The following CNTNAP2 variants were observed in gnomAD, a reference collection of about 807,000 sequenced individuals.
CNTNAP2 encodes contactin-associated protein-like 2.
CNTNAP2 carries 98 observed loss-of-function variants against 155.2 expected under a neutral mutation model. The observed-to-expected ratio is 0.63, with a 90% CI of 0.54 to 0.75. The LOEUF is 0.75. Among genes scored for constraint, CNTNAP2 ranks in the 30% least tolerant of loss-of-function variants. The pLI is 0.00. For synonymous variants in CNTNAP2, 651 were observed against 631.2 expected, an observed-to-expected ratio of 1.03 and a Z score of -0.47; for missense variants, 1,727 against 1,688.1, an observed-to-expected ratio of 1.02 and a Z score of -0.40.
intron 14 of CNTNAP2, among the ~76,000 whole-genome samples, chr7:147,945,974 TCTC>T (rs919147703): frequency 5.0e-4 from 76 of 151,388 alleles, no homozygotes; most frequent in African/African-American, 1.8e-3. Flanking sequence ...TTCAAGCTAT[TCTC>T]CTGCCTCAGC....
chr7:146,809,144 C>T (rs1174632607), intron 2 of CNTNAP2, among the ~76,000 whole-genome samples: 3 of 152,140 alleles, frequency 2.0e-5, no homozygotes, highest in Admixed American at 2.0e-4. Flanking sequence ...AATCTCCAAA[C>T]TGGTTTCCAT....
At chr7:147,274,515 G>T (rs73156469) in intron 8 of CNTNAP2, among the ~76,000 whole-genome samples, 6,347 of 150,442 alleles carry the variant, frequency 0.042, 152 homozygotes, top group South Asian at 0.051. Context: ...TAATTTTTTT[G>T]TTGTTGTTGT....
intron 9 of CNTNAP2, among the ~76,000 whole-genome samples, chr7:147,317,816 G>GTATGTATATATA (rs1795261768): frequency 7.1e-6 from 1 of 139,868 alleles, no homozygotes. Context: ...ATATATATGT[G>GTATGTATATATA]TGTGTGTGTG....
chr7:146,436,071 G>T (rs1025188062), intron 1 of CNTNAP2, among the ~76,000 whole-genome samples: 1 of 152,096 alleles, frequency 6.6e-6, no homozygotes, highest in Non-Finnish European at 1.5e-5. Context: ...AAATATGACA[G>T]TTTAGGGAAT....
chr7:146,685,724 T>C (rs1221338449), intron 1 of CNTNAP2, among the ~76,000 whole-genome samples: 1 of 148,238 alleles, frequency 6.7e-6, no homozygotes, highest in Non-Finnish European at 1.5e-5. Flanking sequence ...TCTAGGTGAA[T>C]TAGAAAAAAA....
intron 15 of CNTNAP2, among the ~76,000 whole-genome samples, chr7:148,106,490 T>TGAGAGA (rs145417316): frequency 0.017 from 1,049 of 60,298 alleles, 23 homozygotes; most frequent in African/African-American, 0.093. Flanking sequence ...CTGCACACTT[T>TGAGAGA]GAGATATATA....
chr7:148,005,811 G>A (rs773042475), intron 15 of CNTNAP2, among the ~76,000 whole-genome samples: 12 of 152,152 alleles, frequency 7.9e-5, no homozygotes, highest in Non-Finnish European at 1.5e-4. Flanking sequence ...GGTCCAGCAC[G>A]ATTTGGAAGT....
chr7:147,363,240 T>C (rs536614989), intron 9 of CNTNAP2, among the ~76,000 whole-genome samples: 22 of 152,258 alleles, frequency 1.4e-4, no homozygotes, highest in Non-Finnish European at 2.6e-4. Flanking sequence ...TGTGAGGATA[T>C]GGTGAGAAGA....
intron 5 of CNTNAP2, among the ~76,000 whole-genome samples, chr7:147,118,382 G>GA (rs1801031333): frequency 6.6e-6 from 1 of 151,314 alleles, no homozygotes; most frequent in African/African-American, 2.4e-5. Flanking sequence ...CAAAAATTGG[G>GA]AAAAAATTAA....
chr7:147,101,940 G>A (rs915354810), intron 4 of CNTNAP2, among the ~76,000 whole-genome samples: 5 of 152,100 alleles, frequency 3.3e-5, no homozygotes, highest in Non-Finnish European at 7.3e-5. Flanking sequence ...TTAGCACCAC[G>A]GTTTGCGGGC....
chr7:146,337,767 C>T (rs1485756775), intron 1 of CNTNAP2, among the ~76,000 whole-genome samples: 2 of 152,140 alleles, frequency 1.3e-5, no homozygotes, highest in African/African-American at 2.4e-5. Context: ...CCACCACACC[C>T]AGCCTATGAT....
intron 1 of CNTNAP2, among the ~76,000 whole-genome samples, chr7:146,520,690 A>G (rs1797605590): frequency 1.3e-5 from 2 of 151,936 alleles, no homozygotes; most frequent in South Asian, 4.1e-4. Context: ...AGAAAGATAT[A>G]GTACATTACA....
At chr7:146,549,042 A>G (rs999570532) in intron 1 of CNTNAP2, among the ~76,000 whole-genome samples, 13 of 150,746 alleles carry the variant, frequency 8.6e-5, no homozygotes, top group African/African-American at 3.2e-4. Flanking sequence ...TATGTGTAGT[A>G]TAAGAGTCCA....
chr7:146,643,443 C>A (rs988726522), intron 1 of CNTNAP2, among the ~76,000 whole-genome samples: 2 of 152,086 alleles, frequency 1.3e-5, no homozygotes, highest in African/African-American at 4.8e-5. Flanking sequence ...TTGTTTTTCT[C>A]AGGTTTGTCA....
rs1301491318 is a variant in CNTNAP2 at position 146,157,553 on chromosome 7, A to C, written c.97+40580A>C. Reference sequence around the variant, plus strand: ...TCCCACTCTAATACAGCGCTTTTCCAATGGCCTTAGGAAATGGCACACCAG... The same window carrying C: ...TCCCACTCTAATACAGCGCTTTTCCCATGGCCTTAGGAAATGGCACACCAG... On this transcript the variant is annotated intron_variant, in intron 1 of 23. Coordinates refer to ENST00000361727, the MANE Select transcript of CNTNAP2 (RefSeq NM_014141.6). 4.6e-5 allele frequency among the ~76,000 whole-genome samples: 7 copies of C among 152,300 alleles called. No individual in the cohort carries two copies. In the East Asian group the frequency reaches 1.4e-3, roughly 29 times the overall value.
chr7:147,228,343 C>T (rs1803596038), intron 8 of CNTNAP2, among the ~76,000 whole-genome samples: 1 of 152,072 alleles, frequency 6.6e-6, no homozygotes, highest in South Asian at 2.1e-4. Context: ...GGAAATGAAT[C>T]AGTGGAGGCT....
intron 1 of CNTNAP2, among the ~76,000 whole-genome samples, chr7:146,593,949 T>TCACCATCAATATCTAATTGGGTTCCC (rs1343608854): frequency 1.3e-5 from 2 of 152,138 alleles, no homozygotes; most frequent in Non-Finnish European, 2.9e-5. Context: ...TCATATCTGA[T>TCACCATCAATATCTAATTGGGTTCCC]CACCATCAAT....
chr7:147,818,650 A>G (rs1321065001), intron 13 of CNTNAP2, among the ~76,000 whole-genome samples: 1 of 152,206 alleles, frequency 6.6e-6, no homozygotes, highest in Non-Finnish European at 1.5e-5. Flanking sequence ...AAAAAATGCA[A>G]TTCTATCTTA....
intron 1 of CNTNAP2, among the ~76,000 whole-genome samples, chr7:146,564,602 T>G (rs1798329285): frequency 6.7e-6 from 1 of 148,858 alleles, no homozygotes; most frequent in Admixed American, 6.7e-5. Context: ...ATATAATATA[T>G]AAATGTAGCA....
Sources: gnomAD v4.1 joint callset for allele counts (sites outside exome capture counted in the v4.1 genomes callset) on GRCh38, gnomAD v4.1.1 for gene constraint, MANE v1.5 for transcripts, NCBI Gene and HGNC (gene_info 2026-07-23, HGNC 2026-07-21) for gene names.